The following ARFGEF3 variants were observed in gnomAD, a reference collection of about 807,000 sequenced individuals.
ARFGEF3 encodes brefeldin A-inhibited guanine nucleotide-exchange protein 3.
A neutral mutation model predicts 221.7 loss-of-function variants in ARFGEF3; 96 were observed. The ratio of observed to expected loss-of-function variants is 0.43; its 90% confidence interval spans 0.37 to 0.51. The LOEUF (loss-of-function observed/expected upper bound fraction) is 0.51. ARFGEF3 is among the 20% of genes least tolerant of loss of function. The pLI is 0.00. For missense variants in ARFGEF3, 2,410 were observed against 2,789.9 expected (o/e 0.86, Z 3.07); for synonymous variants, 1,145 against 1,126.8 (o/e 1.02, Z -0.32).
intron 2 of ARFGEF3, among the ~76,000 whole-genome samples, chr6:138,191,354 C>A (rs921925924): frequency 1.3e-5 from 2 of 152,112 alleles, no homozygotes; most frequent in Admixed American, 1.3e-4. Flanking sequence ...TATACCAAGT[C>A]AGAATGCCTG....
At chr6:138,311,622 TGAG>T (rs1259575136) in intron 25 of ARFGEF3, 112 bp downstream of exon 25, 2 of 694,774 alleles carry the variant, frequency 2.9e-6, no homozygotes, top group Non-Finnish European at 5.0e-6. Flanking sequence ...CTTTGCCGTC[TGAG>T]GAGATTGGGG....
intron 9 of ARFGEF3, 33 bp from the exon 10 acceptor site, chr6:138,255,403 G>T: frequency 6.7e-7 from 1 of 1,502,754 alleles, no homozygotes; most frequent in South Asian, 1.2e-5. Flanking sequence ...TTGGCTCGTG[G>T]GGAAAGTTAC....
intron 12 of ARFGEF3, among the ~76,000 whole-genome samples, chr6:138,265,439 A>G (rs560177894): frequency 6.6e-6 from 1 of 152,298 alleles, no homozygotes; most frequent in African/African-American, 2.4e-5. Flanking sequence ...GGAGTTAAAT[A>G]TAACAAATTT....
chr6:138,233,403 G>A (rs1306818858), intron 5 of ARFGEF3, among the ~76,000 whole-genome samples: 2 of 152,212 alleles, frequency 1.3e-5, no homozygotes, highest in African/African-American at 4.8e-5. Flanking sequence ...GGGAGATGGA[G>A]TCTCACTCTG....
At chr6:138,225,453 G>C (rs542618098) in intron 4 of ARFGEF3, among the ~76,000 whole-genome samples, 1 of 152,326 alleles carries the variant, frequency 6.6e-6, no homozygotes, top group Admixed American at 6.5e-5. Flanking sequence ...CTTCTCCAAA[G>C]TTATTGTGTC....
At chr6:138,289,732 C>A in intron 17 of ARFGEF3, 86 bp from the exon 18 acceptor site, 1 of 1,415,026 alleles carries the variant, frequency 7.1e-7, no homozygotes, top group Non-Finnish European at 9.8e-7. Context: ...TCCCTTTTGC[C>A]CTTGCATGAC....
At chr6:138,182,989 T>C (rs772343685) in intron 2 of ARFGEF3, among the ~76,000 whole-genome samples, 2 of 152,228 alleles carry the variant, frequency 1.3e-5, no homozygotes, top group Non-Finnish European at 2.9e-5. Flanking sequence ...ATGGTGTGCT[T>C]TATTTTATAA....
intron 18 of ARFGEF3, among the ~76,000 whole-genome samples, chr6:138,290,495 G>A (rs1010843591): frequency 6.6e-6 from 1 of 152,190 alleles, no homozygotes; most frequent in Non-Finnish European, 1.5e-5. Context: ...TTAGCTCTAA[G>A]CATTGTAGCA....
At position 138,238,179 on chromosome 6, in the gene ARFGEF3, C is replaced by G. The variant is rs538889201; in HGVS notation, c.421-330C>G. Among the ~76,000 whole-genome samples the G allele has an allele frequency of 3.9e-5, 6 of 152,240 alleles. No individual in the cohort carries two copies. The South Asian group carries it at 1.0e-3, about 26-fold the overall frequency. ...CTGTTCTATTTCACTACGAAGGGAG[C>G]TTTTTCTGATTAATTTCCAGCCACC... On this transcript the variant is annotated intron_variant, in intron 5 of 33. Coordinates refer to ENST00000251691, the MANE Select transcript of ARFGEF3 (RefSeq NM_020340.5).
chr6:138,313,557 C>T (rs1314260277), intron 25 of ARFGEF3, among the ~76,000 whole-genome samples: 2 of 152,158 alleles, frequency 1.3e-5, no homozygotes, highest in Non-Finnish European at 2.9e-5. Flanking sequence ...GAACAATTAT[C>T]CATAGGATCC....
intron 2 of ARFGEF3, among the ~76,000 whole-genome samples, chr6:138,180,869 G>A (rs540399640): frequency 6.6e-4 from 100 of 152,352 alleles, no homozygotes; most frequent in African/African-American, 2.0e-3. Flanking sequence ...ATGGACTAGC[G>A]TTTAGCAGTG....
intron 12 of ARFGEF3, among the ~76,000 whole-genome samples, chr6:138,272,289 G>A (rs1360399183): frequency 6.6e-6 from 1 of 152,136 alleles, no homozygotes; most frequent in African/African-American, 2.4e-5. Flanking sequence ...CTGAGAAGCT[G>A]GGATTACAGG....
intron 4 of ARFGEF3, chr6:138,217,531 T>C (rs41289769): frequency 0.01 from 1,587 of 153,842 alleles, 14 homozygotes; most frequent in Non-Finnish European, 0.017. Context: ...TGGTTTCCAT[T>C]ACACATTGTA....
intron 22 of ARFGEF3, among the ~76,000 whole-genome samples, chr6:138,305,448 G>GTA (rs1562386345): frequency 1.3e-5 from 2 of 151,466 alleles, no homozygotes; most frequent in East Asian, 1.9e-4. Flanking sequence ...CAAAAAAAAA[G>GTA]TATATATATA....
intron 1 of ARFGEF3, among the ~76,000 whole-genome samples, chr6:138,165,151 G>A (rs544857647): frequency 7.4e-5 from 10 of 135,172 alleles, no homozygotes; most frequent in South Asian, 2.5e-4. Context: ...GGGCATCCCC[G>A]TCTGAGACCC....
rs193064748 is a variant in ARFGEF3 at position 138,190,687 on chromosome 6, C to T, written c.138-16355C>T. Reference sequence around the variant, plus strand: ...CCATTTTATAGCTGAGTGTGCGATTCGAACAGGAACAGTTCTCAGTGCTGT... The same window carrying T: ...CCATTTTATAGCTGAGTGTGCGATTTGAACAGGAACAGTTCTCAGTGCTGT... On this transcript the variant is annotated intron_variant, in intron 2 of 33. Transcript: ENST00000251691. Among the ~76,000 whole-genome samples the T allele has an allele frequency of 2.6e-4, 39 of 152,218 alleles. No individual in the cohort carries two copies. In the East Asian group the frequency reaches 5.0e-3, roughly 20 times the overall value.
At chr6:138,216,607 T>C (rs961457330) in intron 4 of ARFGEF3, 4 of 152,218 alleles carry the variant, frequency 2.6e-5, no homozygotes, top group African/African-American at 9.6e-5. Context: ...TTTGGTCTTC[T>C]AGAGTTCCTT....
chr6:138,207,388 T>G (rs570353667), intron 3 of ARFGEF3, among the ~76,000 whole-genome samples: 10 of 152,312 alleles, frequency 6.6e-5, no homozygotes, highest in South Asian at 2.1e-4. Context: ...GGGATTTTTT[T>G]TGTGTGTGAC....
chr6:138,271,296 G>A (rs761266183), intron 12 of ARFGEF3, among the ~76,000 whole-genome samples: 51 of 152,150 alleles, frequency 3.4e-4, no homozygotes, highest in African/African-American at 6.7e-4. Flanking sequence ...GTAAGACCTC[G>A]TCTCTACAAA....
Sources: allele counts gnomAD v4.1 joint callset (sites outside exome capture counted in the v4.1 genomes callset), GRCh38; gene constraint gnomAD v4.1.1; transcripts MANE v1.5; gene names NCBI Gene and HGNC (gene_info 2026-07-23, HGNC 2026-07-21).